CTNNA2: variants seen among roughly 807,000 people sequenced by gnomAD.
CTNNA2 encodes the protein catenin alpha-2.
CTNNA2 carries 42 observed loss-of-function variants against 101.0 expected under a neutral mutation model. The observed-to-expected ratio is 0.42, with a 90% CI of 0.32 to 0.54. CTNNA2 has a LOEUF of 0.54. Ranked by LOEUF, CTNNA2 falls within the 20% of genes least tolerant of loss-of-function variation. The pLI is 0.14. For missense variants in CTNNA2, 871 were observed against 1,223.1 expected, an observed-to-expected ratio of 0.71 and a Z score of 4.29; for synonymous variants, 450 against 456.4, an observed-to-expected ratio of 0.99 and a Z score of 0.18.
At chr2:80,120,208 T>G (rs906332259) in intron 7 of CTNNA2, among the ~76,000 whole-genome samples, 3 of 152,246 alleles carry the variant, frequency 2.0e-5, no homozygotes, top group Admixed American at 6.5e-5. Context: ...AGACTTTCAT[T>G]CATTAAAAGT....
At chr2:80,481,641 T>C (rs1686150786) in intron 9 of CTNNA2, among the ~76,000 whole-genome samples, 1 of 152,104 alleles carries the variant, frequency 6.6e-6, no homozygotes, top group Admixed American at 6.5e-5. Context: ...CCTCAGAGTT[T>C]TTCGTCTTAT....
chr2:79,275,437 A>G (rs1675187102), intron 2 of CTNNA2, among the ~76,000 whole-genome samples: 1 of 152,038 alleles, frequency 6.6e-6, no homozygotes. Flanking sequence ...GAAAATGTGA[A>G]CTTACACATC....
chr2:79,948,924 T>C (rs2117287), intron 7 of CTNNA2, among the ~76,000 whole-genome samples: 78,287 of 151,818 alleles, frequency 0.52, 20,514 homozygotes, highest in Non-Finnish European at 0.56. Context: ...ACTGAGATTG[T>C]GCCACTGCAC....
intron 13 of CTNNA2, among the ~76,000 whole-genome samples, chr2:80,577,949 G>T (rs1470826259): frequency 6.6e-6 from 1 of 152,124 alleles, no homozygotes; most frequent in Non-Finnish European, 1.5e-5. Context: ...GGACTCATTT[G>T]TAAAATTTAC....
intron 15 of CTNNA2, among the ~76,000 whole-genome samples, chr2:80,597,013 T>G (rs937114267): frequency 1.3e-5 from 2 of 152,198 alleles, no homozygotes; most frequent in Non-Finnish European, 2.9e-5. Context: ...TTACATTTAT[T>G]GATTTGCCTG....
At chr2:79,836,498 A>G (rs1379905208) in intron 3 of CTNNA2, among the ~76,000 whole-genome samples, 1 of 152,216 alleles carries the variant, frequency 6.6e-6, no homozygotes, top group Non-Finnish European at 1.5e-5. Context: ...TAGGGCTTCC[A>G]TAACAAAGTA....
intron 1 of CTNNA2, among the ~76,000 whole-genome samples, chr2:79,635,046 G>A (rs1679929054): frequency 6.6e-6 from 1 of 152,148 alleles, no homozygotes; most frequent in African/African-American, 2.4e-5. Flanking sequence ...GAGGGGGTAA[G>A]ATTGAAGGCA....
At chr2:80,180,997 C>T (rs1268086920) in intron 7 of CTNNA2, among the ~76,000 whole-genome samples, 1 of 152,156 alleles carries the variant, frequency 6.6e-6, no homozygotes, top group African/African-American at 2.4e-5. Context: ...CCATCATTAT[C>T]CCATACCCTT....
Position 80,638,233 on chromosome 2 carries a change from T to A in CTNNA2, c.2575-9352T>A, listed in dbSNP as rs547186866. Among the ~76,000 whole-genome samples the A allele has an allele frequency of 1.6e-4, 24 of 152,306 alleles. No individual in the cohort carries two copies. In the East Asian group the frequency reaches 4.6e-3, roughly 29 times the overall value. ...TAAACCTTGGGTGGTCAAGACATGC[T>A]GATGCACAGAATCAGAGACAAGATC... On this transcript the variant is annotated intron_variant, in intron 18 of 18. Coordinates refer to ENST00000402739, the MANE Select transcript of CTNNA2 (RefSeq NM_001282597.3).
At chr2:80,099,156 G>A (rs1015463495) in intron 7 of CTNNA2, among the ~76,000 whole-genome samples, 5 of 151,740 alleles carry the variant, frequency 3.3e-5, no homozygotes, top group South Asian at 2.1e-4. Flanking sequence ...TCCACCCCCC[G>A]AATTGTTTCA....
chr2:79,939,997 C>G (rs1688044664), intron 7 of CTNNA2, among the ~76,000 whole-genome samples: 1 of 152,130 alleles, frequency 6.6e-6, no homozygotes, highest in Non-Finnish European at 1.5e-5. Flanking sequence ...GAGGCTGAGG[C>G]AGGAGAATTG....
At chr2:80,493,781 A>G (rs542423751) in intron 9 of CTNNA2, among the ~76,000 whole-genome samples, 1 of 152,326 alleles carries the variant, frequency 6.6e-6, no homozygotes, top group South Asian at 2.1e-4. Context: ...CTGTAATCAC[A>G]GAGTAGCTGC....
intron 7 of CTNNA2, among the ~76,000 whole-genome samples, chr2:80,243,307 A>G (rs1398941890): frequency 6.6e-6 from 1 of 152,162 alleles, no homozygotes; most frequent in Non-Finnish European, 1.5e-5. Flanking sequence ...GCACATATTT[A>G]AAATAAACAA....
intron 7 of CTNNA2, among the ~76,000 whole-genome samples, chr2:80,257,207 C>A (rs17018908): frequency 0.062 from 9,421 of 151,720 alleles, 465 homozygotes; most frequent in South Asian, 0.29. Flanking sequence ...TAATTTTGAG[C>A]TACGTGGTTA....
At chr2:80,470,260 G>T (rs1685189850) in intron 9 of CTNNA2, among the ~76,000 whole-genome samples, 1 of 152,108 alleles carries the variant, frequency 6.6e-6, no homozygotes, top group South Asian at 2.1e-4. Context: ...ATACTTCTTG[G>T]CAAAGCAGTG....
chr2:79,774,429 GAC>G (rs1673816469), intron 3 of CTNNA2, among the ~76,000 whole-genome samples: 1 of 152,180 alleles, frequency 6.6e-6, no homozygotes, highest in African/African-American at 2.4e-5. Flanking sequence ...ATTGGTTTAA[GAC>G]ACTCACTTCT....
intron 7 of CTNNA2, among the ~76,000 whole-genome samples, chr2:80,305,975 A>G (rs1676900613): frequency 1.3e-5 from 2 of 152,294 alleles, no homozygotes; most frequent in African/African-American, 4.8e-5. Context: ...ACTTACTTTG[A>G]TAGGAATGAG....
At chr2:79,500,881 C>T (rs1314928992) in intron 4 of CTNNA2, 1 of 152,202 alleles carries the variant, frequency 6.6e-6, no homozygotes, top group African/African-American at 2.4e-5. Flanking sequence ...ACTAGCTACC[C>T]TAGCAGGGAA....
chr2:79,275,516 G>A (rs1675189551), intron 2 of CTNNA2, among the ~76,000 whole-genome samples: 1 of 151,688 alleles, frequency 6.6e-6, no homozygotes, highest in African/African-American at 2.4e-5. Flanking sequence ...TGCCCCTCAT[G>A]TTTTCTACAC....
Sources: gnomAD v4.1 joint callset for allele counts (sites outside exome capture counted in the v4.1 genomes callset) on GRCh38, gnomAD v4.1.1 for gene constraint, MANE v1.5 for transcripts, NCBI Gene and HGNC (gene_info 2026-07-23, HGNC 2026-07-21) for gene names.